ROCK2: variants seen among roughly 807,000 people sequenced by gnomAD.
The protein encoded by ROCK2 is rho-associated protein kinase 2.
In ROCK2, 61 loss-of-function variants were observed where a neutral mutation model predicts 195.1. That is an observed-to-expected ratio of 0.31 (90% confidence interval 0.25 to 0.39). ROCK2 has a LOEUF of 0.39. Among genes scored for constraint, ROCK2 ranks in the 10% least tolerant of loss-of-function variants. The pLI is 1.00. For synonymous variants in ROCK2, 504 were observed against 545.5 expected (o/e 0.92, Z 1.06); for missense variants, 1,109 against 1,637.4 (o/e 0.68, Z 5.57).
intron 1 of ROCK2, among the ~76,000 whole-genome samples, chr2:11,336,899 G>A (rs975947845): frequency 1.3e-5 from 2 of 152,122 alleles, no homozygotes; most frequent in South Asian, 2.1e-4. Flanking sequence ...TGAGGATGGC[G>A]ACAATTACTT....
intron 1 of ROCK2, among the ~76,000 whole-genome samples, chr2:11,342,495 T>G (rs1669138111): frequency 6.6e-6 from 1 of 152,212 alleles, no homozygotes; most frequent in South Asian, 2.1e-4. Flanking sequence ...CAAAGTGAAT[T>G]GCAAAACGTT....
chr2:11,216,703 C>T (rs1205811132), intron 12 of ROCK2, among the ~76,000 whole-genome samples: 1 of 149,248 alleles, frequency 6.7e-6, no homozygotes, highest in Non-Finnish European at 1.5e-5. Context: ...GGCCATAGCT[C>T]TCCGTTTCTG....
At chr2:11,295,399 A>G (rs184977008) in intron 1 of ROCK2, among the ~76,000 whole-genome samples, 12 of 152,196 alleles carry the variant, frequency 7.9e-5, no homozygotes, top group South Asian at 2.1e-4. Flanking sequence ...TTGTACAGTT[A>G]AGTATCACAG....
intron 4 of ROCK2, among the ~76,000 whole-genome samples, chr2:11,243,324 C>A (rs1208104641): frequency 6.6e-6 from 1 of 152,140 alleles, no homozygotes; most frequent in African/African-American, 2.4e-5. Context: ...ATGGAAATAT[C>A]CATATTTCAA....
intron 11 of ROCK2, 167 bp from the exon 12 acceptor site, chr2:11,217,336 A>G: frequency 1.4e-6 from 1 of 713,920 alleles, no homozygotes; most frequent in Non-Finnish European, 2.6e-6. Flanking sequence ...ATAAAAGGAA[A>G]AACTCCCCCA....
chr2:11,193,214 C>T (rs947707924), intron 30 of ROCK2, among the ~76,000 whole-genome samples: 7 of 152,136 alleles, frequency 4.6e-5, no homozygotes, highest in Non-Finnish European at 5.9e-5. Flanking sequence ...GTGTATTAAA[C>T]TCCAAATAAA....
intron 1 of ROCK2, among the ~76,000 whole-genome samples, chr2:11,317,599 T>C (rs1471332730): frequency 5.8e-5 from 1 of 17,380 alleles, no homozygotes; most frequent in Non-Finnish European, 1.2e-4. Context: ...TATATATATA[T>C]ATATATATAT....
chr2:11,290,929 C>T (rs923106182), intron 1 of ROCK2, among the ~76,000 whole-genome samples: 3 of 151,952 alleles, frequency 2.0e-5, no homozygotes, highest in Non-Finnish European at 2.9e-5. Context: ...TCTATGCCCC[C>T]GGCTAGCCCA....
In ROCK2 at chr2:11,197,062, A is replaced by C. The variant is rs1663665953; in HGVS notation, c.3448+118T>G. 7.2e-6 allele frequency: 4 copies of C among 558,834 alleles called. No individual in the cohort carries two copies. In the East Asian group the frequency reaches 1.3e-4, roughly 19 times the overall value. 34.6% of individuals were successfully genotyped at this position (558,834 alleles called of 1,614,324 possible). ...TACTTGAATCCTTACTCCAAGGAGT[A>C]GGTTTTCCCTTAAAGAAATTACAAA... is the stretch of plus-strand genomic sequence containing the variant. On this transcript the variant is annotated intron_variant, in intron 27 of 32. Coordinates refer to ENST00000315872, the MANE Select transcript of ROCK2 (RefSeq NM_004850.5). This position sits in a 1 kb window ranked among gnomAD's most constrained non-coding sequence, Gnocchi z 4.9.
chr2:11,239,393 T>TA (rs995236713), intron 4 of ROCK2, among the ~76,000 whole-genome samples: 1 of 152,040 alleles, frequency 6.6e-6, no homozygotes, highest in Admixed American at 6.6e-5. Flanking sequence ...ATAGCTATAC[T>TA]AAAAAAGACA....
At chr2:11,224,299 C>T (rs772724923) in intron 7 of ROCK2, 23 bp downstream of exon 7, 1 of 1,581,434 alleles carries the variant, frequency 6.3e-7, no homozygotes, top group Middle Eastern at 1.7e-4. Flanking sequence ...GGCTTCTCTA[C>T]AAAGAAATTC....
intron 1 of ROCK2, among the ~76,000 whole-genome samples, chr2:11,293,099 C>G (rs1361019314): frequency 2.6e-5 from 4 of 152,264 alleles, no homozygotes; most frequent in African/African-American, 9.6e-5. Flanking sequence ...ATTACCCAGT[C>G]TCAGGGTAAT....
intron 28 of ROCK2, 98 bp from the exon 29 acceptor site, chr2:11,194,442 C>A (rs1405904378): frequency 4.8e-6 from 2 of 419,424 alleles, no homozygotes; most frequent in African/African-American, 4.1e-5. Flanking sequence ...CAATAAAAAT[C>A]ATAAAATACT....
At chr2:11,207,280 G>A (rs1016264743) in intron 20 of ROCK2, among the ~76,000 whole-genome samples, 11 of 152,100 alleles carry the variant, frequency 7.2e-5, no homozygotes, top group African/African-American at 1.9e-4. Context: ...TTAACAATAT[G>A]TTCTCCATTT....
intron 3 of ROCK2, among the ~76,000 whole-genome samples, chr2:11,283,582 A>AGAAAG (rs1553311837): frequency 6.6e-5 from 1 of 15,164 alleles, no homozygotes; most frequent in Admixed American, 1.2e-3. Context: ...AAAAAAAAAA[A>AGAAAG]AAAGCAAGAA....
At chr2:11,239,068 A>C (rs1665331451) in intron 4 of ROCK2, among the ~76,000 whole-genome samples, 2 of 152,182 alleles carry the variant, frequency 1.3e-5, no homozygotes, top group African/African-American at 2.4e-5. Context: ...AAATTAATTC[A>C]AAATGAATTA....
chr2:11,248,950 C>A (rs1246106440), intron 4 of ROCK2, among the ~76,000 whole-genome samples: 1 of 151,890 alleles, frequency 6.6e-6, no homozygotes, highest in East Asian at 1.9e-4. Flanking sequence ...GGCTGGAGTG[C>A]AGTGGTACAA....
Position 11,344,346 on chromosome 2 carries a change from G to GGCCCGGCCCT in ROCK2, c.-211_-210insAGGGCCGGGC, listed in dbSNP as rs1346435738. On this transcript the variant is annotated 5_prime_UTR_variant, in exon 1 of 33. Coordinates refer to ENST00000315872, the MANE Select transcript of ROCK2 (RefSeq NM_004850.5). This position sits in a 1 kb window ranked among gnomAD's most constrained non-coding sequence, Gnocchi z 5.4. ...GGCCCAGCCCGGCCCAGCCCGGCCC[G>GGCCCGGCCCT]GCCCTGCCGGGAGCGGCGGGGAACA... 4.1e-5 allele frequency: 49 copies of GGCCCGGCCCT among 1,186,266 alleles called. No homozygotes were observed. Among genetic ancestry groups the GGCCCGGCCCT allele is most frequent in the Non-Finnish European group, 4.8e-5 (46 of 959,176 alleles). 73.5% of individuals were successfully genotyped at this position (1,186,266 alleles called of 1,614,324 possible).
intron 6 of ROCK2, among the ~76,000 whole-genome samples, chr2:11,225,476 A>G (rs1021182662): frequency 2.6e-5 from 4 of 151,124 alleles, no homozygotes; most frequent in Non-Finnish European, 4.4e-5. Context: ...TTCTTATGTT[A>G]AAAATTTTTT....
Sources: allele counts gnomAD v4.1 joint callset (sites outside exome capture counted in the v4.1 genomes callset), GRCh38; gene constraint gnomAD v4.1.1; non-coding constraint Gnocchi (gnomAD v3.1); transcripts MANE v1.5; gene names NCBI Gene and HGNC (gene_info 2026-07-23, HGNC 2026-07-21).